UNC80: variants seen among roughly 807,000 people sequenced by gnomAD.
The protein encoded by UNC80 is protein unc-80 homolog.
Under a neutral mutation model 384.6 loss-of-function variants are expected in UNC80, and 164 were observed. The ratio of observed to expected loss-of-function variants is 0.43; its 90% CI spans 0.38 to 0.49. UNC80 has a LOEUF of 0.49. Among genes scored for constraint, UNC80 ranks in the 20% least tolerant of loss-of-function variants. UNC80 has a pLI of 0.00. For synonymous variants in UNC80, 1,486 were observed against 1,527.8 expected, an observed-to-expected ratio of 0.97 and a Z score of 0.64; for missense variants, 3,330 against 4,143.0, an observed-to-expected ratio of 0.80 and a Z score of 5.39.
At chr2:209,900,841 T>G (rs769264429) in intron 28 of UNC80, among the ~76,000 whole-genome samples, 7 of 152,196 alleles carry the variant, frequency 4.6e-5, no homozygotes, top group Non-Finnish European at 1.0e-4. Context: ...GGAGAAAGTT[T>G]TAGTGGTCTG....
chr2:209,997,989 T>C lies in UNC80; in HGVS notation c.*2394T>C, dbSNP rs776897229. The C allele has an allele frequency of 2.6e-5, 4 of 152,102 alleles. No individual in the cohort carries two copies. The highest frequency in any genetic ancestry group is 5.9e-5 in the Non-Finnish European group (4 of 68,000). 9.4% of individuals were successfully genotyped at this position (152,102 alleles called of 1,614,324 possible). On this transcript the variant is annotated 3_prime_UTR_variant, in exon 65 of 65. Transcript: ENST00000673920. Reference sequence around the variant, plus strand: ...GGGAAGATTAGAAAAAAGCTCAAGATAAATGTTCAAAATATTATTAAGTAC... The same window carrying C: ...GGGAAGATTAGAAAAAAGCTCAAGACAAATGTTCAAAATATTATTAAGTAC...
At chr2:209,860,118 G>T (rs749747536) in intron 22 of UNC80, among the ~76,000 whole-genome samples, 63 of 152,282 alleles carry the variant, frequency 4.1e-4, no homozygotes, top group Non-Finnish European at 7.8e-4. Context: ...CCTGTGTCCT[G>T]AATGGTATTG....
chr2:209,888,206 C>T lies in UNC80; in HGVS notation c.4222C>T (p.Leu1408Phe), dbSNP rs1272994963. ...CGAAAATGAAGACTCAAAAGATTCTCTCCACAGCAGCAGCCACACTCTCAA... is the reference window on the plus strand; with the variant it reads ...CGAAAATGAAGACTCAAAAGATTCTTTCCACAGCAGCAGCCACACTCTCAA... ...LDENEDSKDS[L>F]HSSSHTLKSD... The change falls in exon 26 of 65, where the codon CTC becomes TTC. Residue 1408 changes from leucine to phenylalanine, a missense_variant. By Grantham distance (22) the Leu-to-Phe change is conservative (BLOSUM62 0). Coordinates refer to ENST00000673920, the MANE Select transcript of UNC80 (RefSeq NM_001371986.1). 1.3e-6 allele frequency: 2 copies of T among 1,551,572 alleles called. No homozygotes were observed. The highest frequency in any genetic ancestry group is 1.4e-5 in the African/African-American group (1 of 73,040).
Position 209,976,276 on chromosome 2 carries a change from G to A in UNC80, c.8745G>A (p.Val2915=), listed in dbSNP as rs2125016897. 1 of 1,551,786 alleles carries A rather than the reference G, an allele frequency of 6.4e-7. No homozygotes were observed. The highest frequency in any genetic ancestry group is 8.7e-7 in the Non-Finnish European group (1 of 1,147,026). ...TGCGGACCCGAATACCCATCTTTGT[G>A]CTTTTGCGCCCTTTCATCCAGTGCA... is the stretch of plus-strand genomic sequence containing the variant. ...FIVRTRIPIF[V]LLRPFIQCKL... is the part of the protein sequence containing the mutation. Residue 2915 remains valine (V), a synonymous_variant, in exon 57 of 65, where the codon GTG becomes GTA. Transcript: ENST00000673920. The surrounding 1 kb of genome is among the most constrained non-coding windows in gnomAD (Gnocchi z 4.3).
chr2:209,899,630 A>AGCC (rs1160881043), intron 28 of UNC80, among the ~76,000 whole-genome samples: 1 of 152,086 alleles, frequency 6.6e-6, no homozygotes, highest in Non-Finnish European at 1.5e-5. Flanking sequence ...GACTATTTCT[A>AGCC]GCCTGTCCTT....
rs751700237 is a variant in UNC80, at chr2:209,842,330, CT to C, written c.3358-11del. On this transcript the variant is annotated intron_variant, in intron 20 of 64. Coordinates refer to ENST00000673920, the MANE Select transcript of UNC80 (RefSeq NM_001371986.1). ...CTTTGAATCTTATCTCTCTACTTTC[CT>C]TTTTTTTTCTTTTTTCAGGTCAAAT... is the stretch of plus-strand genomic sequence containing the variant. 5.6e-5 allele frequency: 84 copies of C among 1,487,848 alleles called. No homozygotes were observed. The highest frequency in any genetic ancestry group is 3.8e-4 in the Admixed American group (18 of 47,524). The allele number at this position is 1,487,848 out of a possible 1,614,324, so 92.2% of individuals were successfully genotyped here.
chr2:209,954,307 C>G, intron 48 of UNC80, 37 bp downstream of exon 48: 1 of 1,368,594 alleles, frequency 7.3e-7, no homozygotes, highest in Non-Finnish European at 9.5e-7. Context: ...AGCCTTACAT[C>G]ATATGTTTCC....
At position 209,978,480 on chromosome 2, in the gene UNC80, C is replaced by T. The variant is rs190068661; in HGVS notation, c.8939-49C>T. On this transcript the variant is annotated intron_variant, in intron 58 of 64. Transcript: ENST00000673920. ...TGGTCAGGGAGGACTTTGAAGTGGA[C>T]ATTTAAGATTCTCACCATGCATTTC... 5 of 1,434,100 alleles carry T rather than the reference C, an allele frequency of 3.5e-6. No homozygotes were observed. In the East Asian group the frequency reaches 1.3e-4, roughly 37 times the overall value. 88.8% of individuals were successfully genotyped at this position (1,434,100 alleles called of 1,614,324 possible). A position where few individuals can be genotyped will look rare whatever the true frequency, so the allele number is the denominator to read the frequency against.
chr2:209,970,874 C>T lies in UNC80; in HGVS notation c.8173C>T (p.Pro2725Ser). The change falls in exon 54 of 65, where the codon CCC becomes TCC. Residue 2725 changes from proline to serine, a missense_variant. Physicochemically the swap from Pro to Ser is moderately conservative, Grantham distance 74. Transcript: ENST00000673920. ...VGPSSVADGL[P>S]LLHLSPYLSP... is the part of the protein sequence containing the mutation. ...ACCTTCCAGTGTTGCTGATGGATTA[C>T]CCCTTCTTCATCTCAGCCCTTATCT... 1 of 1,551,702 alleles carries T rather than the reference C, an allele frequency of 6.4e-7. No individual in the cohort carries two copies. Among genetic ancestry groups the T allele is most frequent in the Non-Finnish European group, 8.7e-7 (1 of 1,146,986 alleles).
chr2:209,946,285 G>A (rs376105447), intron 47 of UNC80, among the ~76,000 whole-genome samples: 19 of 151,734 alleles, frequency 1.3e-4, no homozygotes, highest in African/African-American at 4.3e-4. Flanking sequence ...CAGGAGGATT[G>A]CTTAATCCCA....
chr2:209,840,604 A>G lies in UNC80; in HGVS notation c.3313A>G (p.Ile1105Val), dbSNP rs1319111091. Residue 1105 changes from isoleucine to valine, a missense_variant, in exon 20 of 65, where the codon ATT becomes GTT. Physicochemically the swap from Ile to Val is conservative, Grantham distance 29 (BLOSUM62 3). Coordinates refer to ENST00000673920, the MANE Select transcript of UNC80 (RefSeq NM_001371986.1). The stretch of plus-strand genomic sequence containing the variant: ...AGATGGTGTGGAGGACCTCCTGGAC[A>G]TTAGCTCTGTGGACCGACTCTCTTT... ...LADGVEDLLD[I>V]SSVDRLSFIR... The G allele has an allele frequency of 1.9e-6, 3 of 1,552,054 alleles. No individual in the cohort carries two copies. The highest frequency in any genetic ancestry group is 2.6e-6 in the Non-Finnish European group (3 of 1,147,038).
chr2:209,857,585 TTTA>T (rs2083028674), intron 22 of UNC80, among the ~76,000 whole-genome samples: 1 of 152,098 alleles, frequency 6.6e-6, no homozygotes, highest in Admixed American at 6.6e-5. Context: ...TGCTCTTATT[TTTA>T]TTATTTTCTC....
intron 7 of UNC80, among the ~76,000 whole-genome samples, chr2:209,794,394 C>T (rs957507781): frequency 6.6e-6 from 1 of 152,126 alleles, no homozygotes; most frequent in Non-Finnish European, 1.5e-5. Context: ...CACCTGGAGT[C>T]ATGAGGTTTG....
intron 28 of UNC80, among the ~76,000 whole-genome samples, chr2:209,899,589 G>T (rs2087166334): frequency 1.3e-5 from 2 of 152,166 alleles, no homozygotes; most frequent in African/African-American, 2.4e-5. Context: ...GATCACCTCA[G>T]TCCAGTCAGG....
intron 27 of UNC80, 93 bp from the exon 28 acceptor site, chr2:209,896,220 C>A: frequency 1.7e-6 from 2 of 1,157,002 alleles, no homozygotes; most frequent in Non-Finnish European, 2.5e-6. Context: ...GTAGTCTGCC[C>A]TAGGATTCAG....
At chr2:209,834,215 T>C (rs1258515727) in intron 17 of UNC80, 47 bp downstream of exon 17, 29 of 1,534,826 alleles carry the variant, frequency 1.9e-5, no homozygotes, top group Non-Finnish European at 2.6e-5. Context: ...CTTAAGTCAG[T>C]AGAATAAAAT....
At chr2:209,847,108 C>G (rs1310462697) in intron 21 of UNC80, among the ~76,000 whole-genome samples, 1 of 151,964 alleles carries the variant, frequency 6.6e-6, no homozygotes, top group Admixed American at 6.6e-5. Flanking sequence ...TAAATCTTGC[C>G]TTTATAACTG....
Position 209,839,229 on chromosome 2 carries a change from C to G in UNC80, c.3049C>G (p.Gln1017Glu), listed in dbSNP as rs1559175593. 1 of 1,551,464 alleles carries G rather than the reference C, an allele frequency of 6.4e-7. No individual in the cohort carries two copies. The highest frequency in any genetic ancestry group is 1.2e-5 in the South Asian group (1 of 84,038). Residue 1017 changes from glutamine to glutamate, a missense_variant, in exon 19 of 65, where the codon CAA becomes GAA. Physicochemically the swap from Gln to Glu is conservative, Grantham distance 29. Coordinates refer to ENST00000673920, the MANE Select transcript of UNC80 (RefSeq NM_001371986.1). The surrounding 1 kb of genome is among the most constrained non-coding windows in gnomAD (Gnocchi z 4.1). ...TCCTCTGCTTGCCTACAGCGATGAACAAATGCAAGGAGCCAACTTGGGGCG... is the reference window on the plus strand; with the variant it reads ...TCCTCTGCTTGCCTACAGCGATGAAGAAATGCAAGGAGCCAACTTGGGGCG... ...RPSQTPEHDE[Q>E]MQGANLGRKD...
chr2:209,776,151 A>T (rs557316253), intron 3 of UNC80, 106 bp downstream of exon 3: 1 of 1,363,154 alleles, frequency 7.3e-7, no homozygotes, highest in South Asian at 1.6e-5. Flanking sequence ...AGCACTGTGC[A>T]TATATTATCT....
Sources: allele counts gnomAD v4.1 joint callset (sites outside exome capture counted in the v4.1 genomes callset), GRCh38; gene constraint gnomAD v4.1.1; non-coding constraint Gnocchi (gnomAD v3.1); transcripts MANE v1.5; gene names NCBI Gene and HGNC (gene_info 2026-07-23, HGNC 2026-07-21).